ASTN2: variants seen among roughly 807,000 people sequenced by gnomAD.
ASTN2 encodes astrotactin-2.
A neutral mutation model predicts 139.8 loss-of-function variants in ASTN2; 54 were observed. The observed-to-expected ratio is 0.39, with a 90% CI of 0.31 to 0.48. The LOEUF (loss-of-function observed/expected upper bound fraction) is 0.48. Among genes scored for constraint, ASTN2 ranks in the 20% least tolerant of loss-of-function variants. The probability of loss-of-function intolerance (pLI) is 0.95; values close to 1 mark genes in which losing one functional copy is unlikely to be tolerated. For synonymous variants in ASTN2, 756 were observed against 719.5 expected, an observed-to-expected ratio of 1.05 and a Z score of -0.81; for missense variants, 1,565 against 1,725.1, an observed-to-expected ratio of 0.91 and a Z score of 1.64.
intron 5 of ASTN2, among the ~76,000 whole-genome samples, chr9:117,080,396 G>A (rs1828394474): frequency 6.6e-6 from 1 of 152,004 alleles, no homozygotes; most frequent in African/African-American, 2.4e-5. Context: ...TAATTTTTCA[G>A]TATTAGAGAT....
At chr9:116,571,015 A>G (rs61121378) in intron 19 of ASTN2, among the ~76,000 whole-genome samples, 24,574 of 152,170 alleles carry the variant, frequency 0.16, 2,174 homozygotes, top group African/African-American at 0.22. Flanking sequence ...TTTGCTGCCT[A>G]GAGAAAGTCA....
chr9:116,502,187 G>A (rs1356285461), intron 19 of ASTN2, among the ~76,000 whole-genome samples: 1 of 151,762 alleles, frequency 6.6e-6, no homozygotes, highest in Non-Finnish European at 1.5e-5. Context: ...ATGTGAGAGA[G>A]AGAGACAGAG....
chr9:116,987,252 A>T (rs538425444), intron 7 of ASTN2, among the ~76,000 whole-genome samples: 6 of 152,358 alleles, frequency 3.9e-5, no homozygotes, highest in African/African-American at 1.2e-4. Flanking sequence ...TGTTCTCATG[A>T]TAGTGAGTAA....
chr9:117,110,652 A>C (rs1039769888), intron 4 of ASTN2, among the ~76,000 whole-genome samples: 32 of 152,180 alleles, frequency 2.1e-4, no homozygotes, highest in African/African-American at 6.8e-4. Flanking sequence ...AAATGCCAAA[A>C]ATACTACCTG....
intron 7 of ASTN2, among the ~76,000 whole-genome samples, chr9:116,993,131 T>A (rs1439826012): frequency 2.6e-5 from 4 of 152,152 alleles, no homozygotes; most frequent in Non-Finnish European, 5.9e-5. Context: ...TCAGGGCAAA[T>A]GAAAATGCTA....
intron 1 of ASTN2, among the ~76,000 whole-genome samples, chr9:117,406,927 T>G (rs2130972644): frequency 6.6e-6 from 1 of 151,504 alleles, no homozygotes; most frequent in South Asian, 2.1e-4. Context: ...GCTCTCTGAA[T>G]GCAGAGATCT....
chr9:117,263,315 A>G (rs10983590), intron 2 of ASTN2, among the ~76,000 whole-genome samples: 17,730 of 152,150 alleles, frequency 0.12, 1,706 homozygotes, highest in African/African-American at 0.25. Flanking sequence ...GAACATTTTT[A>G]TCTAACTATT....
intron 17 of ASTN2, among the ~76,000 whole-genome samples, chr9:116,630,488 T>C (rs558521076): frequency 1.3e-5 from 2 of 152,316 alleles, no homozygotes; most frequent in East Asian, 1.9e-4. Flanking sequence ...TTCTCCAAAC[T>C]GGTCATTTTT....
intron 13 of ASTN2, among the ~76,000 whole-genome samples, chr9:116,795,793 T>C (rs1385799137): frequency 6.6e-6 from 1 of 152,224 alleles, no homozygotes; most frequent in Non-Finnish European, 1.5e-5. Flanking sequence ...ATTGGGATCC[T>C]ACTGTGTGCT....
intron 6 of ASTN2, among the ~76,000 whole-genome samples, chr9:117,015,234 G>C (rs1266437590): frequency 6.6e-6 from 1 of 152,022 alleles, no homozygotes; most frequent in South Asian, 2.1e-4. Context: ...GCCCAAGCTG[G>C]TCTCAAACTC....
At chr9:116,864,391 A>T (rs1832967052) in intron 10 of ASTN2, among the ~76,000 whole-genome samples, 1 of 152,156 alleles carries the variant, frequency 6.6e-6, no homozygotes, top group Non-Finnish European at 1.5e-5. Context: ...TATCAGCAAC[A>T]GTTGTTGGAA....
intron 10 of ASTN2, among the ~76,000 whole-genome samples, chr9:116,925,011 A>T (rs1468689519): frequency 6.6e-6 from 1 of 152,110 alleles, no homozygotes; most frequent in Non-Finnish European, 1.5e-5. Context: ...CACTTAGGAG[A>T]TCTGAGCTGA....
intron 13 of ASTN2, among the ~76,000 whole-genome samples, chr9:116,740,576 G>A (rs111855294): frequency 3.3e-5 from 5 of 151,782 alleles, no homozygotes; most frequent in South Asian, 2.1e-4. Flanking sequence ...GCAGTTGTGC[G>A]ATCTTGGCTC....
At chr9:116,922,613 A>G (rs948324192) in intron 10 of ASTN2, among the ~76,000 whole-genome samples, 1 of 152,224 alleles carries the variant, frequency 6.6e-6, no homozygotes, top group African/African-American at 2.4e-5. Flanking sequence ...GGTGAAATGA[A>G]TCATGATACA....
chr9:117,343,031 A>G (rs1168300538), intron 1 of ASTN2, among the ~76,000 whole-genome samples: 1 of 152,194 alleles, frequency 6.6e-6, no homozygotes, highest in Non-Finnish European at 1.5e-5. Context: ...TTCCCCCCTC[A>G]CTGCATCTCA....
In ASTN2 at chr9:116,834,790, G is replaced by A. The variant is rs114897683; in HGVS notation, c.2041-14007C>T. Among the ~76,000 whole-genome samples the A allele has an allele frequency of 2.8e-3, 425 of 152,306 alleles. 2 individuals carry two copies. Among genetic ancestry groups the A allele is most frequent in the African/African-American group, 9.5e-3 (393 of 41,564 alleles). ...CGACTGGGCACAGTGGCTTATGCCC[G>A]TAATCCCAGCACATTGGGAGGCTGA... is the stretch of plus-strand genomic sequence containing the variant. On this transcript the variant is annotated intron_variant, in intron 11 of 22. Transcript: ENST00000313400.
At chr9:116,537,479 A>G (rs202203068) in intron 19 of ASTN2, among the ~76,000 whole-genome samples, 2 of 152,340 alleles carry the variant, frequency 1.3e-5, no homozygotes, top group East Asian at 1.9e-4. Flanking sequence ...TATATGAGAC[A>G]CAGTGATATG....
intron 10 of ASTN2, among the ~76,000 whole-genome samples, chr9:116,960,645 C>T (rs574029047): frequency 6.6e-6 from 1 of 152,152 alleles, no homozygotes; most frequent in Non-Finnish European, 1.5e-5. Flanking sequence ...CAATAGCACC[C>T]TCCCAGTTGT....
In ASTN2 at chr9:117,060,477, G is replaced by A. The variant is rs1417987752; in HGVS notation, c.1277-20512C>T. 2.6e-3 allele frequency among the ~76,000 whole-genome samples: 243 copies of A among 95,212 alleles called. 17 individuals carry two copies. The highest frequency in any genetic ancestry group is 3.7e-3 in the East Asian group (10 of 2,726). The allele number at this position is 95,212 out of a possible 152,430, so 62.5% of individuals were successfully genotyped here. ...GAAAGAAAGGAAGGAAGGAAGGAAGGAAGGAAGGAATGAAAGAAAGAAAGA... is the reference window on the plus strand; with the variant it reads ...GAAAGAAAGGAAGGAAGGAAGGAAGAAAGGAAGGAATGAAAGAAAGAAAGA... On this transcript the variant is annotated intron_variant, in intron 5 of 22. Transcript: ENST00000313400.
Sources: allele counts gnomAD v4.1 joint callset (sites outside exome capture counted in the v4.1 genomes callset), GRCh38; gene constraint gnomAD v4.1.1; transcripts MANE v1.5; gene names NCBI Gene and HGNC (gene_info 2026-07-23, HGNC 2026-07-21).